Variants in TRPM7 observed in about 807,000 individuals in gnomAD.
TRPM7 encodes the protein transient receptor potential cation channel subfamily M member 7.
Under a neutral mutation model 229.7 loss-of-function variants are expected in TRPM7, and 134 were observed. The observed-to-expected ratio is 0.58, with a 90% CI of 0.51 to 0.67. The LOEUF is 0.67. Ranked by LOEUF, TRPM7 falls within the 30% of genes least tolerant of loss-of-function variation. The pLI is 0.00. For synonymous variants in TRPM7, 699 were observed against 715.2 expected (o/e 0.98, Z 0.36); for missense variants, 1,901 against 2,210.0 (o/e 0.86, Z 2.80).
At chr15:50,619,163 C>G (rs1373430925) in intron 13 of TRPM7, among the ~76,000 whole-genome samples, 1 of 151,632 alleles carries the variant, frequency 6.6e-6, no homozygotes, top group Non-Finnish European at 1.5e-5. Context: ...TTTTATGAAC[C>G]AATGAGCTTT....
At chr15:50,567,179 TA>T (rs1200610392) in intron 38 of TRPM7, among the ~76,000 whole-genome samples, 1 of 152,068 alleles carries the variant, frequency 6.6e-6, no homozygotes, top group African/African-American at 2.4e-5. Context: ...TTTTTAAAAT[TA>T]TTTTTTATTA....
rs1281596095 is a variant in TRPM7, at chr15:50,561,730, C to T, written c.5546G>A (p.Gly1849Glu). ...TGATTCTGATTCTTTGGTGGAATTT[C>T]CAGGCTGAAGATTCAAATCTGAAGG... is the stretch of plus-strand genomic sequence containing the variant. ...DEPSDLNLQP[G>E]NSTKESESTN... The change falls in exon 39 of 39, where the codon GGA becomes GAA. Residue 1849 changes from glycine to glutamate, a missense_variant. Gly to Glu is a moderately conservative substitution (Grantham distance 98, BLOSUM62 -2). Around this residue, in one of 8 missense-constraint regions of TRPM7, gnomAD observed 257 missense variants for 352.0 expected, o/e 0.73. Coordinates refer to ENST00000646667, the MANE Select transcript of TRPM7 (RefSeq NM_017672.6). 1 of 1,612,108 alleles carries T rather than the reference C, an allele frequency of 6.2e-7. No individual in the cohort carries two copies. Among genetic ancestry groups the T allele is most frequent in the Non-Finnish European group, 8.5e-7 (1 of 1,179,416 alleles).
Position 50,643,489 on chromosome 15 carries a change from T to A in TRPM7, c.386A>T (p.Gln129Leu), listed in dbSNP as rs1452134747. The change falls in exon 5 of 39, where the codon CAA becomes CTA. Residue 129 changes from glutamine (Q) to leucine (L), a missense_variant. Around this residue, in one of 8 missense-constraint regions of TRPM7, gnomAD observed 794 missense variants for 881.9 expected, o/e 0.90. Transcript: ENST00000646667. The stretch of plus-strand genomic sequence containing the variant: ...GATAACAAGTTTGGGTAACTCCATT[T>A]GCCATTCTTTAAGCAGAAGTTGCAG... ...VILQLLLKEW[Q>L]MELPKLVISV... 2 of 1,614,180 alleles carry A rather than the reference T, an allele frequency of 1.2e-6. No individual in the cohort carries two copies. Among genetic ancestry groups the A allele is most frequent in the Admixed American group, 3.3e-5 (2 of 60,010 alleles).
At chr15:50,586,248 A>C in intron 28 of TRPM7, 144 bp downstream of exon 28, 1 of 517,664 alleles carries the variant, frequency 1.9e-6, no homozygotes, top group Non-Finnish European at 3.4e-6. Context: ...GACTTATTCA[A>C]GGTTACAGTC....
At chr15:50,588,357 T>A (rs1190428166) in intron 27 of TRPM7, 1 of 250,688 alleles carries the variant, frequency 4.0e-6, no homozygotes, top group Non-Finnish European at 6.3e-6. Flanking sequence ...TAATAACCAA[T>A]TAAATACCAA....
At chr15:50,571,679 C>T (rs555433764) in intron 36 of TRPM7, among the ~76,000 whole-genome samples, 1 of 152,132 alleles carries the variant, frequency 6.6e-6, no homozygotes, top group Admixed American at 6.6e-5. Context: ...TATATGTCTT[C>T]ACAGAAGTAG....
intron 20 of TRPM7, 140 bp downstream of exon 20, chr15:50,607,060 G>C: frequency 1.6e-6 from 1 of 641,678 alleles, no homozygotes; most frequent in South Asian, 3.9e-5. Context: ...TTTGGGAACA[G>C]CAAAATTACA....
rs139401719 is a variant in TRPM7 at position 50,679,711 on chromosome 15, T to G, written c.3+6820A>C. On this transcript the variant is annotated intron_variant, in intron 1 of 38. Transcript: ENST00000646667. ...CCATCACGTCCAGCTGATTTTTATA[T>G]TTTTAGTAGAGGTGGGGTTATCTAC... Among the ~76,000 whole-genome samples the G allele has an allele frequency of 3.7e-3, 562 of 150,794 alleles. 8 individuals are homozygous for G. Among genetic ancestry groups the G allele is most frequent in the African/African-American group, 0.013 (545 of 40,908 alleles).
At chr15:50,679,535 TATA>T (rs770932607) in intron 1 of TRPM7, among the ~76,000 whole-genome samples, 6,379 of 44,354 alleles carry the variant, frequency 0.14, 301 homozygotes, top group East Asian at 0.41. Context: ...TATATATATA[TATA>T]TTTTTTTTTT....
chr15:50,572,628 T>C lies in TRPM7; in HGVS notation c.5308+1646A>G, dbSNP rs1465635258. Among the ~76,000 whole-genome samples, 9 of 152,262 alleles carry C rather than the reference T, an allele frequency of 5.9e-5. 1 individual carries two copies. The highest frequency in any genetic ancestry group is 5.2e-4 in the Admixed American group (8 of 15,286). On this transcript the variant is annotated intron_variant, in intron 36 of 38. Coordinates refer to ENST00000646667, the MANE Select transcript of TRPM7 (RefSeq NM_017672.6). ...GGAACTGAGCCTGCAGTATCTCTAA[T>C]GTATGCTTGTAATTTTTAAACTTAA...
chr15:50,660,137 C>T (rs991244601), intron 2 of TRPM7, among the ~76,000 whole-genome samples: 15 of 152,124 alleles, frequency 9.9e-5, no homozygotes, highest in Admixed American at 4.6e-4. Flanking sequence ...AAATGTGATA[C>T]GATGTTGTAA....
chr15:50,601,889 A>T (rs1269918426), intron 21 of TRPM7, among the ~76,000 whole-genome samples: 1 of 151,652 alleles, frequency 6.6e-6, no homozygotes, highest in African/African-American at 2.4e-5. Flanking sequence ...TATTGTCTTC[A>T]AGCTTTTCAA....
rs761822627 is a variant in TRPM7 at position 50,613,684 on chromosome 15, GAAT to G, written c.1770+20_1770+22del. ...AAAGAAGAAAATAAAAACCCAGAAA[GAAT>G]AATATTTAAATAAATTTACCTTTGG... is the stretch of plus-strand genomic sequence containing the variant. On this transcript the variant is annotated intron_variant, in intron 15 of 38. Transcript: ENST00000646667. The G allele has an allele frequency of 1.6e-5, 24 of 1,493,038 alleles. No individual in the cohort carries two copies. Among genetic ancestry groups the G allele is most frequent in the Non-Finnish European group, 2.1e-5 (24 of 1,125,254 alleles). 92.5% of individuals were successfully genotyped at this position (1,493,038 alleles called of 1,614,324 possible). A position where few individuals can be genotyped will look rare whatever the true frequency, so the allele number is the denominator to read the frequency against.
At chr15:50,676,918 G>T (rs2062106884) in intron 1 of TRPM7, among the ~76,000 whole-genome samples, 1 of 152,056 alleles carries the variant, frequency 6.6e-6, no homozygotes. Flanking sequence ...CGTACACATG[G>T]GGCAGCCTCC....
intron 25 of TRPM7, 27 bp downstream of exon 25, chr15:50,593,590 C>T: frequency 1.3e-6 from 2 of 1,599,416 alleles, no homozygotes; most frequent in African/African-American, 1.3e-5. Flanking sequence ...TGACATATAA[C>T]CGATTTTAAC....
chr15:50,658,853 T>C (rs1204472319), intron 2 of TRPM7, among the ~76,000 whole-genome samples: 1 of 152,054 alleles, frequency 6.6e-6, no homozygotes, highest in Non-Finnish European at 1.5e-5. Flanking sequence ...CAATAAGAGA[T>C]TACTAAAACA....
At chr15:50,679,529 T>C (rs2062191806) in intron 1 of TRPM7, among the ~76,000 whole-genome samples, 6 of 51,756 alleles carry the variant, frequency 1.2e-4, no homozygotes, top group Non-Finnish European at 1.9e-4. Context: ...TATATATATA[T>C]ATATATATAT....
At position 50,624,259 on chromosome 15, in the gene TRPM7, C is replaced by T. The variant is rs780084062; in HGVS notation, c.1347G>A (p.Met449Ile). 1 of 1,612,160 alleles carries T rather than the reference C, an allele frequency of 6.2e-7. No individual in the cohort carries two copies. The highest frequency in any genetic ancestry group is 1.1e-5 in the South Asian group (1 of 90,576). ...GAAGTTTTACAAATGCAACTCTATCCATTACAAGAGCATCAAGCATAGCTT... is the reference window on the plus strand; with the variant it reads ...GAAGTTTTACAAATGCAACTCTATCTATTACAAGAGCATCAAGCATAGCTT... The part of the protein sequence containing the change: ...LEQAMLDALV[M>I]DRVAFVKLLI... Residue 449 changes from methionine (M) to isoleucine (I), a missense_variant, in exon 12 of 39, where the codon ATG becomes ATA. Met to Ile is a conservative substitution (Grantham distance 10). Coordinates refer to ENST00000646667, the MANE Select transcript of TRPM7 (RefSeq NM_017672.6).
At chr15:50,641,446 A>G (rs1262675388) in intron 5 of TRPM7, among the ~76,000 whole-genome samples, 1 of 151,642 alleles carries the variant, frequency 6.6e-6, no homozygotes, top group African/African-American at 2.4e-5. Context: ...CCTCATTTCC[A>G]TTTCTCCTCA....
Sources: allele counts gnomAD v4.1 joint callset (sites outside exome capture counted in the v4.1 genomes callset), GRCh38; gene constraint gnomAD v4.1.1; regional missense constraint gnomAD v4.1.1; transcripts MANE v1.5; gene names NCBI Gene and HGNC (gene_info 2026-07-23, HGNC 2026-07-21).